Variants in SAMD5 observed in about 807,000 individuals in gnomAD.
SAMD5 encodes the protein sterile alpha motif domain containing 5.
A neutral mutation model predicts 11.3 loss-of-function variants in SAMD5; 13 were observed. The observed-to-expected ratio is 1.15, with a 90% CI of 0.75 to 1.83. SAMD5 has a LOEUF of 1.83. Ranked by LOEUF, SAMD5 falls within the 40% of genes most tolerant of loss-of-function variation. The probability of loss-of-function intolerance (pLI) is 0.00; values close to 1 mark genes in which losing one functional copy is unlikely to be tolerated. For missense variants in SAMD5, 255 were observed against 239.1 expected, an observed-to-expected ratio of 1.07 and a Z score of -0.44; for synonymous variants, 129 against 111.3, an observed-to-expected ratio of 1.16 and a Z score of -1.00.
At chr6:147,521,714 A>G (rs1165738703) in intron 1 of SAMD5, among the ~76,000 whole-genome samples, 1 of 152,094 alleles carries the variant, frequency 6.6e-6, no homozygotes, top group Non-Finnish European at 1.5e-5. Flanking sequence ...CATCTGACTA[A>G]TATTTATAAT....
the SAMD5 span, among the ~76,000 whole-genome samples, chr6:147,820,484 G>C: frequency 6.6e-6 from 1 of 152,112 alleles, no homozygotes; most frequent in African/African-American, 2.4e-5. Flanking sequence ...TTAATGATTT[G>C]AGGTAGCTCC....
the SAMD5 span, among the ~76,000 whole-genome samples, chr6:147,817,874 A>G: frequency 6.6e-6 from 1 of 152,240 alleles, no homozygotes; most frequent in Non-Finnish European, 1.5e-5. Flanking sequence ...CTTTCTACTC[A>G]TCTGAATGGC....
chr6:147,582,131 G>A (rs1290698070), intron 1 of SAMD5, among the ~76,000 whole-genome samples: 3 of 89,778 alleles, frequency 3.3e-5, no homozygotes, highest in Non-Finnish European at 7.2e-5. Context: ...GGCCAAGGTG[G>A]GTGGATCATC....
chr6:147,642,955 C>G (rs1790335922), intron 1 of SAMD5, among the ~76,000 whole-genome samples: 1 of 152,188 alleles, frequency 6.6e-6, no homozygotes, highest in South Asian at 2.1e-4. Flanking sequence ...GCACATGCCA[C>G]TGAGGTGTGC....
chr6:147,748,944 A>G, the SAMD5 span, among the ~76,000 whole-genome samples: 2 of 152,308 alleles, frequency 1.3e-5, no homozygotes, highest in African/African-American at 4.8e-5. Flanking sequence ...AAGTCAATGG[A>G]TGCCTACTAA....
intron 1 of SAMD5, among the ~76,000 whole-genome samples, chr6:147,550,887 A>T (rs1326066022): frequency 2.5e-5 from 3 of 119,100 alleles, no homozygotes; most frequent in South Asian, 3.0e-4. Flanking sequence ...AACTGCACTT[A>T]TACCTCTTAT....
chr6:147,644,843 A>T (rs898918882), intron 1 of SAMD5, among the ~76,000 whole-genome samples: 5 of 152,186 alleles, frequency 3.3e-5, no homozygotes, highest in Non-Finnish European at 5.9e-5. Flanking sequence ...GAGACATGGG[A>T]TTCATGGAAA....
Position 147,535,987 on chromosome 6 carries a change from G to GT in SAMD5, c.459+26614dup, listed in dbSNP as rs748338901. 7.3e-3 allele frequency among the ~76,000 whole-genome samples: 1,051 copies of GT among 144,462 alleles called. 4 individuals carry two copies. The highest frequency in any genetic ancestry group is 0.029 in the Middle Eastern group (8 of 278). 94.8% of individuals were successfully genotyped at this position (144,462 alleles called of 152,430 possible). A position where few individuals can be genotyped will look rare whatever the true frequency, so the allele number is the denominator to read the frequency against. ...GTCAAAGCCTTAATAAAATAACCAA[G>GT]TTTTTTTTTTTTTTGAGACGGACTC... is the stretch of plus-strand genomic sequence containing the variant. On this transcript the variant is annotated intron_variant, in intron 1 of 1. Coordinates refer to ENST00000367474, the MANE Select transcript of SAMD5 (RefSeq NM_001030060.3).
At chr6:147,781,750 A>T in the SAMD5 span, among the ~76,000 whole-genome samples, 1 of 142,938 alleles carries the variant, frequency 7.0e-6, no homozygotes, top group African/African-American at 2.6e-5. Context: ...ATTTGTATAT[A>T]TAATGTATAT....
At chr6:147,945,557 A>G in the SAMD5 span, among the ~76,000 whole-genome samples, 4 of 152,214 alleles carry the variant, frequency 2.6e-5, no homozygotes, top group African/African-American at 4.8e-5. Context: ...TGTCAGGGAT[A>G]TAGTAGAAAA....
the SAMD5 span, among the ~76,000 whole-genome samples, chr6:147,916,816 T>C: frequency 6.6e-6 from 1 of 150,570 alleles, no homozygotes; most frequent in Admixed American, 6.6e-5. Flanking sequence ...GTTTGGTTTT[T>C]TGTTCTTGCA....
chr6:147,582,223 G>T (rs1789308772), intron 1 of SAMD5, among the ~76,000 whole-genome samples: 2 of 152,130 alleles, frequency 1.3e-5, no homozygotes, highest in South Asian at 4.2e-4. Context: ...GCTGGGCATG[G>T]TGGTGCGCAC....
rs200535422 is a variant in SAMD5 at position 147,699,662 on chromosome 6, A to C, written c.163-37655A>C. Among the ~76,000 whole-genome samples the C allele has an allele frequency of 5.3e-5, 8 of 152,354 alleles. No individual in the cohort carries two copies. In the East Asian group the frequency reaches 1.5e-3, roughly 29 times the overall value. Reference sequence around the variant, plus strand: ...TTTATTCACAGAGGAGATAGTCCACATGAATGAATCTGAAGCCCATTCCTC... The same window carrying C: ...TTTATTCACAGAGGAGATAGTCCACCTGAATGAATCTGAAGCCCATTCCTC... On this transcript the variant is annotated intron_variant, in intron 1 of 1. Coordinates refer to the SAMD5 transcript ENST00000566741.
chr6:147,674,221 A>G (rs1790833187), intron 1 of SAMD5, among the ~76,000 whole-genome samples: 1 of 152,134 alleles, frequency 6.6e-6, no homozygotes, highest in African/African-American at 2.4e-5. Flanking sequence ...AAAACAAGAC[A>G]ATCAAAGCTT....
the SAMD5 span, among the ~76,000 whole-genome samples, chr6:147,813,324 T>A: frequency 0.015 from 2,309 of 152,294 alleles, 62 homozygotes; most frequent in African/African-American, 0.052. Flanking sequence ...AAACTCAAAT[T>A]GAATTGAGAC....
the SAMD5 span, among the ~76,000 whole-genome samples, chr6:147,811,581 A>G: frequency 1.3e-5 from 2 of 152,252 alleles, no homozygotes; most frequent in Non-Finnish European, 2.9e-5. Flanking sequence ...ACAAGGAGGC[A>G]GTTGTATTGG....
intron 1 of SAMD5, among the ~76,000 whole-genome samples, chr6:147,589,515 C>T (rs1789423724): frequency 1.3e-5 from 2 of 152,116 alleles, no homozygotes; most frequent in African/African-American, 2.4e-5. Flanking sequence ...CAGCCATTTT[C>T]TGTCTTTGTG....
the SAMD5 span, among the ~76,000 whole-genome samples, chr6:147,817,965 GAC>G: frequency 1.3e-5 from 2 of 152,134 alleles, no homozygotes; most frequent in Admixed American, 6.5e-5. Flanking sequence ...GTGAAAAGAA[GAC>G]ACATTTCAGC....
At chr6:147,738,428 G>A (rs1791836159), downstream of SAMD5, among the ~76,000 whole-genome samples, 1 of 152,140 alleles carries the variant, frequency 6.6e-6, no homozygotes, top group South Asian at 2.1e-4. Flanking sequence ...CAAGCACTGT[G>A]CGCAGAAGTT....
Sources: allele counts gnomAD v4.1 joint callset (sites outside exome capture counted in the v4.1 genomes callset), GRCh38; gene constraint gnomAD v4.1.1; transcripts MANE v1.5; gene names NCBI Gene and HGNC (gene_info 2026-07-23, HGNC 2026-07-21).